Variants in PDE4D observed in about 807,000 individuals in gnomAD.
PDE4D encodes the protein 3',5'-cyclic-AMP phosphodiesterase 4D.
In PDE4D, 24 loss-of-function variants were observed where a neutral mutation model predicts 87.4. That is an observed-to-expected ratio of 0.27 (90% confidence interval 0.20 to 0.39). The LOEUF is 0.39. Among genes scored for constraint, PDE4D ranks in the 10% least tolerant of loss-of-function variants. The pLI, the probability that PDE4D is intolerant of heterozygous loss-of-function variation, is 1.00. For missense variants in PDE4D, 714 were observed against 1,041.0 expected (o/e 0.69, Z 4.32); for synonymous variants, 384 against 383.2 (o/e 1.00, Z -0.02).
intron 1 of PDE4D, among the ~76,000 whole-genome samples, chr5:59,270,986 C>T (rs1473851391): frequency 6.6e-6 from 1 of 151,892 alleles, no homozygotes; most frequent in Admixed American, 6.6e-5. Context: ...CTTGATAGAG[C>T]TCTTTCATAA....
intron 1 of PDE4D, among the ~76,000 whole-genome samples, chr5:59,798,609 C>G (rs1766778480): frequency 6.6e-6 from 1 of 152,146 alleles, no homozygotes; most frequent in Admixed American, 6.5e-5. Flanking sequence ...GCAAACCTAG[C>G]AAAAGGCTAA....
At chr5:60,223,986 G>C (rs532698403) in intron 1 of PDE4D, among the ~76,000 whole-genome samples, 1 of 152,178 alleles carries the variant, frequency 6.6e-6, no homozygotes, top group African/African-American at 2.4e-5. Context: ...GACTTAGAGA[G>C]TAAGTGGGTG....
At chr5:60,506,283 G>A (rs772640397) in intron 1 of PDE4D, among the ~76,000 whole-genome samples, 46 of 152,168 alleles carry the variant, frequency 3.0e-4, no homozygotes, top group African/African-American at 4.3e-4. Context: ...ACATGCACAC[G>A]TGAATACACT....
intron 1 of PDE4D, among the ~76,000 whole-genome samples, chr5:59,500,735 G>T (rs896058847): frequency 2.6e-5 from 4 of 152,082 alleles, no homozygotes; most frequent in Non-Finnish European, 5.9e-5. Context: ...AAGCCTGCAC[G>T]TGTACTCCCT....
intron 1 of PDE4D, among the ~76,000 whole-genome samples, chr5:59,518,632 T>C (rs1049860132): frequency 1.3e-5 from 2 of 152,124 alleles, no homozygotes; most frequent in African/African-American, 2.4e-5. Context: ...GAGGGGAAGA[T>C]GGCAATAGTC....
At chr5:60,317,807 T>C (rs753793491) in intron 1 of PDE4D, among the ~76,000 whole-genome samples, 76 of 152,176 alleles carry the variant, frequency 5.0e-4, no homozygotes, top group Admixed American at 1.1e-3. Context: ...TTTGAGTGAG[T>C]TTCTTAATCC....
At chr5:59,133,369 GTT>G (rs1776552561) in intron 5 of PDE4D, among the ~76,000 whole-genome samples, 2 of 152,078 alleles carry the variant, frequency 1.3e-5, no homozygotes, top group South Asian at 4.1e-4. Context: ...TTAAGTCTTA[GTT>G]TTCTCATTTG....
At chr5:59,180,917 A>G (rs974681800) in intron 4 of PDE4D, among the ~76,000 whole-genome samples, 7 of 152,206 alleles carry the variant, frequency 4.6e-5, no homozygotes, top group Non-Finnish European at 1.5e-5. Flanking sequence ...ACATGAGAGA[A>G]GAGGAAATTC....
Position 59,117,491 on chromosome 5 carries a change from T to G in PDE4D, c.808+63104A>C, listed in dbSNP as rs373304538. On this transcript the variant is annotated intron_variant, in intron 5 of 14. Transcript: ENST00000340635. ...TATTTGTGCATCACGGTGGGAGTGT[T>G]TGTTCCTTTTTATTTACATTTCTTA... Among the ~76,000 whole-genome samples the G allele has an allele frequency of 2.6e-5, 4 of 152,172 alleles. No individual in the cohort carries two copies. In the South Asian group the frequency reaches 8.3e-4, roughly 32 times the overall value.
chr5:59,621,571 T>C (rs902061226), intron 1 of PDE4D, among the ~76,000 whole-genome samples: 1 of 152,244 alleles, frequency 6.6e-6, no homozygotes, highest in Non-Finnish European at 1.5e-5. Context: ...TAATTCCTAG[T>C]AGTTTCTCAC....
intron 2 of PDE4D, among the ~76,000 whole-genome samples, chr5:59,995,275 A>G (rs1234099417): frequency 1.3e-5 from 2 of 151,362 alleles, no homozygotes; most frequent in Admixed American, 1.3e-4. Flanking sequence ...GCATTGTCCA[A>G]GCTGCTATCC....
chr5:60,049,830 C>T (rs930183880), intron 2 of PDE4D, among the ~76,000 whole-genome samples: 13 of 152,312 alleles, frequency 8.5e-5, no homozygotes, highest in Non-Finnish European at 1.3e-4. Context: ...TTTGTCTGTG[C>T]CCTGCCCCCA....
chr5:59,116,863 C>A (rs1773699305), intron 5 of PDE4D, among the ~76,000 whole-genome samples: 1 of 152,158 alleles, frequency 6.6e-6, no homozygotes, highest in Admixed American at 6.5e-5. Context: ...ACGTCCCATT[C>A]CAAGTCTCCA....
intron 3 of PDE4D, among the ~76,000 whole-genome samples, chr5:59,969,002 G>GC (rs1760397068): frequency 8.1e-6 from 1 of 123,160 alleles, no homozygotes; most frequent in Admixed American, 8.6e-5. Context: ...CCCCCCCCCC[G>GC]AAAAAAAGAG....
At chr5:59,553,881 C>A (rs1489361292) in intron 1 of PDE4D, among the ~76,000 whole-genome samples, 1 of 152,112 alleles carries the variant, frequency 6.6e-6, no homozygotes, top group South Asian at 2.1e-4. Flanking sequence ...CCTCTAGCAG[C>A]CCCTCACAGA....
chr5:59,680,653 TAA>T (rs1163256705), intron 1 of PDE4D, among the ~76,000 whole-genome samples: 1 of 152,156 alleles, frequency 6.6e-6, no homozygotes, highest in East Asian at 1.9e-4. Context: ...TAAATAATGC[TAA>T]AAGTCTACTT....
chr5:60,371,070 G>A (rs1474753045), intron 1 of PDE4D, among the ~76,000 whole-genome samples: 1 of 152,108 alleles, frequency 6.6e-6, no homozygotes, highest in Non-Finnish European at 1.5e-5. Flanking sequence ...AAATGATATT[G>A]CAGCCTTAAA....
rs1333352298 is a variant in PDE4D at position 58,975,590 on chromosome 5, T to C, written c.2013+67A>G. ...TCCAGTAAAATACTATCATATGTAA[T>C]ACAAAGTAACCAAATGCTAAAGCGG... On this transcript the variant is annotated intron_variant, in intron 14 of 14. Coordinates refer to ENST00000340635, the MANE Select transcript of PDE4D (RefSeq NM_001104631.2). This position sits in a 1 kb window ranked among gnomAD's most constrained non-coding sequence, Gnocchi z 4.2. The C allele has an allele frequency of 1.6e-6, 2 of 1,287,430 alleles. No individual in the cohort carries two copies. Among genetic ancestry groups the C allele is most frequent in the Non-Finnish European group, 2.1e-6 (2 of 962,268 alleles). 79.8% of individuals were successfully genotyped at this position (1,287,430 alleles called of 1,614,324 possible). A position where few individuals can be genotyped will look rare whatever the true frequency, so the allele number is the denominator to read the frequency against.
At chr5:59,742,100 G>A (rs1758929918) in intron 1 of PDE4D, among the ~76,000 whole-genome samples, 1 of 152,014 alleles carries the variant, frequency 6.6e-6, no homozygotes, top group African/African-American at 2.4e-5. Context: ...TTTTGCTCTT[G>A]TCGCCCAGGC....
Sources: gnomAD v4.1 joint callset for allele counts (sites outside exome capture counted in the v4.1 genomes callset) on GRCh38, gnomAD v4.1.1 for gene constraint, Gnocchi (gnomAD v3.1) non-coding constraint, MANE v1.5 for transcripts, NCBI Gene and HGNC (gene_info 2026-07-23, HGNC 2026-07-21) for gene names.